The following TFAP2D variants were observed in gnomAD, a reference collection of about 807,000 sequenced individuals.
TFAP2D encodes the protein transcription factor AP-2-delta.
TFAP2D carries 9 observed loss-of-function variants against 43.6 expected under a neutral mutation model. The observed-to-expected ratio is 0.21, with a 90% confidence interval of 0.12 to 0.36. The LOEUF (loss-of-function observed/expected upper bound fraction) is 0.36, where lower values mean the gene tolerates loss of function less well. Among genes scored for constraint, TFAP2D ranks in the 10% least tolerant of loss-of-function variants. The pLI is 1.00. For missense variants in TFAP2D, 513 were observed against 561.4 expected, an observed-to-expected ratio of 0.91 and a Z score of 0.87; for synonymous variants, 256 against 224.9, an observed-to-expected ratio of 1.14 and a Z score of -1.24.
At chr6:50,749,176 G>GATATA (rs1265367763) in intron 6 of TFAP2D, among the ~76,000 whole-genome samples, 1 of 151,502 alleles carries the variant, frequency 6.6e-6, no homozygotes, top group South Asian at 2.1e-4. Context: ...AAAAGGGGGA[G>GATATA]ATATAATATA....
chr6:50,754,359 T>C (rs1352211570), intron 7 of TFAP2D, among the ~76,000 whole-genome samples: 2 of 152,096 alleles, frequency 1.3e-5, no homozygotes, highest in East Asian at 3.9e-4. Context: ...TGTGTGTGTG[T>C]GTAAGTGTGT....
intron 7 of TFAP2D, among the ~76,000 whole-genome samples, chr6:50,756,242 A>G (rs1279016436): frequency 6.6e-6 from 1 of 152,070 alleles, no homozygotes; most frequent in African/African-American, 2.4e-5. Context: ...GAGAAAGATG[A>G]ATTACGAAGG....
At chr6:50,721,589 C>G (rs997985494) in intron 3 of TFAP2D, among the ~76,000 whole-genome samples, 1 of 152,152 alleles carries the variant, frequency 6.6e-6, no homozygotes, top group Non-Finnish European at 1.5e-5. Context: ...CATGGTAGTA[C>G]ACAGGACCCC....
rs1377210900 is a variant in TFAP2D, at chr6:50,751,307, A to G, written c.1122A>G (p.Arg374=). The part of the protein sequence containing the change: ...PTPILDLDIQ[R]HLTHFSLITH... ...CAATTCTAGACCTTGACATCCAGAG[A>G]CATTTAACACATTTCAGGTAAGACT... The change falls in exon 7 of 8, where the codon AGA becomes AGG. Residue 374 remains arginine (R), a synonymous_variant. Coordinates refer to ENST00000008391, the MANE Select transcript of TFAP2D (RefSeq NM_172238.4). 2 of 1,609,798 alleles carry G rather than the reference A, an allele frequency of 1.2e-6. No homozygotes were observed. Among genetic ancestry groups the G allele is most frequent in the Non-Finnish European group, 1.7e-6 (2 of 1,176,930 alleles).
At chr6:50,724,117 G>T (rs1201297938) in intron 3 of TFAP2D, among the ~76,000 whole-genome samples, 1 of 149,998 alleles carries the variant, frequency 6.7e-6, no homozygotes, top group Non-Finnish European at 1.5e-5. Context: ...AACATGGGGG[G>T]AGGGGTAACA....
At position 50,760,304 on chromosome 6, in the gene TFAP2D, G is replaced by C. The variant is rs1425617538; in HGVS notation, c.1139+8980G>C. ...TTAGGCATTATTTCTTGGTTGTAAG[G>C]AGACATACTGATTTTTTTCTCTGCA... On this transcript the variant is annotated intron_variant, in intron 7 of 7. Transcript: ENST00000008391. Among the ~76,000 whole-genome samples the C allele has an allele frequency of 4.6e-5, 7 of 152,006 alleles. No individual in the cohort carries two copies. In the South Asian group the frequency reaches 1.4e-3, roughly 31 times the overall value.
chr6:50,732,455 C>A (rs969861675), intron 5 of TFAP2D, among the ~76,000 whole-genome samples: 1 of 152,018 alleles, frequency 6.6e-6, no homozygotes, highest in Non-Finnish European at 1.5e-5. Context: ...ATCATACCCC[C>A]ACATTTTGGC....
chr6:50,764,678 C>T (rs1476235316), intron 7 of TFAP2D, among the ~76,000 whole-genome samples: 4 of 152,220 alleles, frequency 2.6e-5, no homozygotes, highest in African/African-American at 9.6e-5. Flanking sequence ...CTAGACGCCT[C>T]CTGGAGGTGA....
At chr6:50,720,974 G>A (rs569740341) in intron 3 of TFAP2D, among the ~76,000 whole-genome samples, 28 of 152,312 alleles carry the variant, frequency 1.8e-4, no homozygotes, top group Middle Eastern at 3.4e-3. Flanking sequence ...AGGCCGAGGA[G>A]GGAGTTAGAG....
intron 5 of TFAP2D, among the ~76,000 whole-genome samples, chr6:50,732,936 A>T (rs985098855): frequency 1.3e-5 from 2 of 152,070 alleles, no homozygotes; most frequent in Admixed American, 1.3e-4. Context: ...TTTGTTTTCA[A>T]ATCCACATAT....
chr6:50,713,911 CA>C lies in TFAP2D; in HGVS notation c.-141del, dbSNP rs1768569329. On this transcript the variant is annotated 5_prime_UTR_variant, in exon 1 of 8. The change abolishes the stop of an existing upstream ORF in the 5' untranslated region. Coordinates refer to ENST00000008391, the MANE Select transcript of TFAP2D (RefSeq NM_172238.4). ...GAGGCAAGGAGCTATCTGATCCGGG[CA>C]AAACCATTACAATTTAGATATCTAC... 7.7e-7 allele frequency: 1 copy of C among 1,292,838 alleles called. No individual in the cohort carries two copies. The highest frequency in any genetic ancestry group is 1.1e-6 in the Non-Finnish European group (1 of 912,792). 80.1% of individuals were successfully genotyped at this position (1,292,838 alleles called of 1,614,324 possible). A position where few individuals can be genotyped will look rare whatever the true frequency, so the allele number is the denominator to read the frequency against.
chr6:50,728,777 T>G, intron 3 of TFAP2D, 79 bp from the exon 4 acceptor site: 4 of 1,421,354 alleles, frequency 2.8e-6, no homozygotes, highest in Non-Finnish European at 3.9e-6. Flanking sequence ...TCCAGAATAG[T>G]CTTTTGATGT....
intron 3 of TFAP2D, among the ~76,000 whole-genome samples, chr6:50,728,549 T>C (rs758998754): frequency 6.6e-6 from 1 of 152,228 alleles, no homozygotes; most frequent in Admixed American, 6.5e-5. Context: ...TTTTGATTAA[T>C]TGAAGTGTTT....
intron 7 of TFAP2D, among the ~76,000 whole-genome samples, chr6:50,761,770 A>C (rs1769367202): frequency 6.6e-6 from 1 of 152,128 alleles, no homozygotes; most frequent in South Asian, 2.1e-4. Context: ...TAAGCTAGTG[A>C]AATGTAAACT....
At chr6:50,737,849 C>T (rs947771110) in intron 5 of TFAP2D, among the ~76,000 whole-genome samples, 3 of 152,072 alleles carry the variant, frequency 2.0e-5, no homozygotes, top group Non-Finnish European at 4.4e-5. Context: ...TTGGCTATTA[C>T]AAATAGTGGT....
At chr6:50,720,895 G>A (rs1768712520) in intron 3 of TFAP2D, among the ~76,000 whole-genome samples, 1 of 152,186 alleles carries the variant, frequency 6.6e-6, no homozygotes, top group African/African-American at 2.4e-5. Flanking sequence ...ACTTGACCAA[G>A]ATCACCTTCT....
chr6:50,759,479 A>G (rs1318070317), intron 7 of TFAP2D, among the ~76,000 whole-genome samples: 2 of 152,032 alleles, frequency 1.3e-5, no homozygotes, highest in Non-Finnish European at 2.9e-5. Context: ...GAGTTTCTAT[A>G]TCATCTCATA....
intron 5 of TFAP2D, among the ~76,000 whole-genome samples, chr6:50,737,370 A>C (rs919095822): frequency 6.6e-6 from 1 of 152,198 alleles, no homozygotes; most frequent in Non-Finnish European, 1.5e-5. Flanking sequence ...AAAACTTGGA[A>C]TTACCCACGT....
At chr6:50,724,889 G>A (rs1429698190) in intron 3 of TFAP2D, among the ~76,000 whole-genome samples, 1 of 151,866 alleles carries the variant, frequency 6.6e-6, no homozygotes. Context: ...TCAGGTTGCC[G>A]AGCGTGCGTG....
Sources: gnomAD v4.1 joint callset for allele counts (sites outside exome capture counted in the v4.1 genomes callset) on GRCh38, gnomAD v4.1.1 for gene constraint, MANE v1.5 for transcripts, NCBI Gene and HGNC (gene_info 2026-07-23, HGNC 2026-07-21) for gene names.